ADAMTS12: variants seen among roughly 807,000 people sequenced by gnomAD.
The protein encoded by ADAMTS12 is A disintegrin and metalloproteinase with thrombospondin motifs 12.
ADAMTS12 carries 118 observed loss-of-function variants against 167.8 expected under a neutral mutation model. That is an observed-to-expected ratio of 0.70 (90% CI 0.61 to 0.82). The LOEUF is 0.82. ADAMTS12 is among the 40% of genes least tolerant of loss of function. ADAMTS12 has a pLI of 0.00. For missense variants in ADAMTS12, 1,916 were observed against 1,998.8 expected, an observed-to-expected ratio of 0.96 and a Z score of 0.79; for synonymous variants, 704 against 716.9, an observed-to-expected ratio of 0.98 and a Z score of 0.29.
chr5:33,594,145 C>T (rs551851604), intron 17 of ADAMTS12, among the ~76,000 whole-genome samples: 3 of 152,258 alleles, frequency 2.0e-5, no homozygotes, highest in East Asian at 3.9e-4. Flanking sequence ...ATCACGGGGG[C>T]GGATTGCCCC....
In ADAMTS12 at chr5:33,571,864, GA is replaced by G. The variant is rs1293761800; in HGVS notation, c.3972+4189del. Among the ~76,000 whole-genome samples, 15 of 151,452 alleles carry G rather than the reference GA, an allele frequency of 9.9e-5. No homozygotes were observed. In the South Asian group the frequency reaches 2.5e-3, roughly 25 times the overall value. ...ATAGACCGCTAGCAAGACTAATAAA[GA>G]AAAAAAGAGAGAAGAATCAAATAGA... On this transcript the variant is annotated intron_variant, in intron 19 of 23. Transcript: ENST00000504830.
chr5:33,772,175 A>G (rs1745762988), intron 2 of ADAMTS12, among the ~76,000 whole-genome samples: 1 of 151,988 alleles, frequency 6.6e-6, no homozygotes, highest in Non-Finnish European at 1.5e-5. Flanking sequence ...CTTTTCAACA[A>G]GTATATCCTG....
intron 2 of ADAMTS12, among the ~76,000 whole-genome samples, chr5:33,790,564 AAAAAAAAG>A (rs1310788491): frequency 2.7e-5 from 4 of 150,822 alleles, no homozygotes; most frequent in East Asian, 1.9e-4. Flanking sequence ...TCAAAAAAAA[AAAAAAAAG>A]AAAAAAGAAA....
chr5:33,876,177 T>C (rs1186570193), intron 2 of ADAMTS12, among the ~76,000 whole-genome samples: 2 of 152,176 alleles, frequency 1.3e-5, no homozygotes, highest in East Asian at 3.8e-4. Context: ...ACACATACCA[T>C]GTTCATGGAT....
At position 33,531,378 on chromosome 5, in the gene ADAMTS12, CAG is replaced by C. The variant is rs146548023; in HGVS notation, c.4606+3453_4606+3454del. On this transcript the variant is annotated intron_variant, in intron 23 of 23. Coordinates refer to ENST00000504830, the MANE Select transcript of ADAMTS12 (RefSeq NM_030955.4). ...TTCCTCCATGAAAGCAGAAAAAACA[CAG>C]ATACAAATTATTAAGCATTTACCAC... is the stretch of plus-strand genomic sequence containing the variant. Among the ~76,000 whole-genome samples, 869 of 152,282 alleles carry C rather than the reference CAG, an allele frequency of 5.7e-3. 8 individuals carry two copies. Among genetic ancestry groups the C allele is most frequent in the African/African-American group, 0.021 (853 of 41,556 alleles).
rs575730344 is a variant in ADAMTS12, at chr5:33,736,252, G to A, written c.634+15152C>T. Among the ~76,000 whole-genome samples the A allele has an allele frequency of 3.7e-3, 562 of 152,028 alleles. 9 individuals are homozygous for A. Among genetic ancestry groups the A allele is most frequent in the African/African-American group, 0.013 (544 of 41,480 alleles). On this transcript the variant is annotated intron_variant, in intron 3 of 23. Transcript: ENST00000504830. The stretch of plus-strand genomic sequence containing the variant: ...TAATTTTTGTATTTTTAGTAGTGAT[G>A]GGGTTTCACCATATTGGCCAGGCTG...
chr5:33,536,706 C>T (rs974564179), intron 22 of ADAMTS12, among the ~76,000 whole-genome samples: 5 of 152,208 alleles, frequency 3.3e-5, no homozygotes, highest in East Asian at 1.9e-4. Flanking sequence ...TGACACACAG[C>T]TCTTCTAAGG....
At chr5:33,539,536 C>T (rs1041877047) in intron 22 of ADAMTS12, among the ~76,000 whole-genome samples, 12 of 152,162 alleles carry the variant, frequency 7.9e-5, no homozygotes, top group Non-Finnish European at 1.8e-4. Flanking sequence ...TCTGGAATAA[C>T]TTTGATATTT....
intron 12 of ADAMTS12, among the ~76,000 whole-genome samples, chr5:33,633,162 T>C: frequency 7.7e-6 from 1 of 129,908 alleles, no homozygotes; most frequent in Non-Finnish European, 1.7e-5. Context: ...TATATGCACT[T>C]GCATTTTTAT....
At chr5:33,752,958 C>A (rs1745044282) in intron 2 of ADAMTS12, among the ~76,000 whole-genome samples, 1 of 152,218 alleles carries the variant, frequency 6.6e-6, no homozygotes, top group African/African-American at 2.4e-5. Context: ...ATAAACCTCA[C>A]AATCAGCTTC....
At chr5:33,687,784 T>C (rs1266448297) in intron 3 of ADAMTS12, among the ~76,000 whole-genome samples, 1 of 152,134 alleles carries the variant, frequency 6.6e-6, no homozygotes, top group Non-Finnish European at 1.5e-5. Flanking sequence ...ATGGAAGAAA[T>C]GTTTCTGCTA....
At chr5:33,850,738 G>GT (rs1205880853) in intron 2 of ADAMTS12, among the ~76,000 whole-genome samples, 9 of 152,158 alleles carry the variant, frequency 5.9e-5, no homozygotes, top group African/African-American at 1.7e-4. Flanking sequence ...CAAAGAGAGA[G>GT]TTTTTTCCCA....
intron 3 of ADAMTS12, among the ~76,000 whole-genome samples, chr5:33,749,289 C>T (rs547656497): frequency 1.3e-5 from 2 of 152,144 alleles, no homozygotes; most frequent in Admixed American, 1.3e-4. Flanking sequence ...AAAAGTAAAC[C>T]GGAGGCCGTA....
intron 19 of ADAMTS12, among the ~76,000 whole-genome samples, chr5:33,563,213 T>C (rs943858567): frequency 6.6e-6 from 1 of 152,206 alleles, no homozygotes; most frequent in Admixed American, 6.5e-5. Flanking sequence ...GCTGAAGTAC[T>C]ATAGATTGAT....
intron 2 of ADAMTS12, among the ~76,000 whole-genome samples, chr5:33,808,851 G>A (rs1037104): frequency 0.47 from 71,859 of 151,924 alleles, 18,753 homozygotes; most frequent in East Asian, 0.78. Context: ...AGCCAATTCC[G>A]GACTAGAATC....
chr5:33,891,797 G>A lies in ADAMTS12; in HGVS notation c.60C>T (p.Asn20=). ...ANLSVVAQLL[N]FGALCYGRQP... ...GTCTCCCATAGCAAAGCGCCCCAAA[G>A]TTAAGGAGCTGAGCCACCACGGAAA... The change falls in exon 1 of 24, where the codon AAC becomes AAT. Residue 20 remains asparagine (N), a synonymous_variant. Transcript: ENST00000504830. 6.2e-7 allele frequency: 1 copy of A among 1,614,244 alleles called. No individual in the cohort carries two copies. Among genetic ancestry groups the A allele is most frequent in the Non-Finnish European group, 8.5e-7 (1 of 1,180,034 alleles).
Position 33,796,798 on chromosome 5 carries a change from C to T in ADAMTS12, c.490-45250G>A, listed in dbSNP as rs1253799930. On this transcript the variant is annotated intron_variant, in intron 2 of 23. Transcript: ENST00000504830. ...GGAAAAGAAATGGTGCAAGGAGCAA[C>T]TTCAAAAGCCTCCCCAAAGCCAAAC... Among the ~76,000 whole-genome samples the T allele has an allele frequency of 2.6e-5, 4 of 152,310 alleles. No homozygotes were observed. The East Asian group carries it at 7.7e-4, about 29-fold the overall frequency.
intron 3 of ADAMTS12, 170 bp downstream of exon 3, chr5:33,751,234 A>G: frequency 1.2e-6 from 1 of 816,922 alleles, no homozygotes; most frequent in Non-Finnish European, 1.9e-6. Context: ...AAAAGAATGT[A>G]CACTTTCTGG....
intron 7 of ADAMTS12, among the ~76,000 whole-genome samples, chr5:33,650,030 A>G (rs1266507260): frequency 6.6e-6 from 1 of 152,122 alleles, no homozygotes; most frequent in Admixed American, 6.5e-5. Context: ...GCCCCCAGCT[A>G]TTTGCTTTCT....
Sources: allele counts gnomAD v4.1 joint callset (sites outside exome capture counted in the v4.1 genomes callset), GRCh38; gene constraint gnomAD v4.1.1; transcripts MANE v1.5; gene names NCBI Gene and HGNC (gene_info 2026-07-23, HGNC 2026-07-21).